PDGFC: variants seen among roughly 807,000 people sequenced by gnomAD.
PDGFC encodes the protein platelet-derived growth factor C.
PDGFC carries 12 observed loss-of-function variants against 35.5 expected under a neutral mutation model. The ratio of observed to expected loss-of-function variants is 0.34; its 90% confidence interval spans 0.22 to 0.55. PDGFC has a LOEUF of 0.55. PDGFC is among the 20% of genes least tolerant of loss of function. The pLI, the probability that PDGFC is intolerant of heterozygous loss-of-function variation, is 0.91. For missense variants in PDGFC, 322 were observed against 412.4 expected (o/e 0.78, Z 1.90); for synonymous variants, 159 against 148.8 (o/e 1.07, Z -0.50).
At chr4:156,826,319 A>T (rs995341850) in intron 2 of PDGFC, among the ~76,000 whole-genome samples, 1 of 133,520 alleles carries the variant, frequency 7.5e-6, no homozygotes, top group Non-Finnish European at 1.5e-5. Context: ...CAGCCTCCTG[A>T]GTAGCTGTGA....
intron 1 of PDGFC, among the ~76,000 whole-genome samples, chr4:156,877,472 CTA>C (rs966303775): frequency 1.3e-5 from 2 of 151,920 alleles, no homozygotes; most frequent in African/African-American, 4.8e-5. Flanking sequence ...TAAGTAATGA[CTA>C]TGTAAGTTAT....
chr4:156,953,625 T>C (rs1265332978), intron 1 of PDGFC, among the ~76,000 whole-genome samples: 5 of 152,004 alleles, frequency 3.3e-5, no homozygotes, highest in Non-Finnish European at 7.4e-5. Flanking sequence ...GGACGATAAA[T>C]ACTTTAGAAT....
rs575636563 is a variant in PDGFC at position 156,820,358 on chromosome 4, T to G, written c.315-9341A>C. Among the ~76,000 whole-genome samples the G allele has an allele frequency of 3.9e-5, 6 of 152,306 alleles. No individual in the cohort carries two copies. The South Asian group carries it at 1.2e-3, about 32-fold the overall frequency. Reference sequence around the variant, plus strand: ...TAAGAATCAATCAACATGTCAAAGTTCATTGTTGTCTTATTTTAATAAACT... The same window carrying G: ...TAAGAATCAATCAACATGTCAAAGTGCATTGTTGTCTTATTTTAATAAACT... On this transcript the variant is annotated intron_variant, in intron 2 of 5. Coordinates refer to ENST00000502773, the MANE Select transcript of PDGFC (RefSeq NM_016205.3).
At chr4:156,909,476 G>C (rs894801999) in intron 1 of PDGFC, among the ~76,000 whole-genome samples, 3 of 152,162 alleles carry the variant, frequency 2.0e-5, no homozygotes, top group African/African-American at 7.2e-5. Context: ...ACATTTGGGA[G>C]AGTGTAATTT....
chr4:156,923,219 T>C (rs1392314117), intron 1 of PDGFC, among the ~76,000 whole-genome samples: 4 of 152,238 alleles, frequency 2.6e-5, no homozygotes, highest in East Asian at 1.9e-4. Flanking sequence ...CCAGGCCTTC[T>C]TGCTGCTCCT....
chr4:156,817,493 T>C (rs954833576), intron 2 of PDGFC, among the ~76,000 whole-genome samples: 4 of 152,148 alleles, frequency 2.6e-5, no homozygotes, highest in Non-Finnish European at 5.9e-5. Flanking sequence ...AAAGTATCAA[T>C]ATTTACTGGA....
intron 1 of PDGFC, among the ~76,000 whole-genome samples, chr4:156,924,482 C>A (rs1460388676): frequency 6.6e-6 from 1 of 152,070 alleles, no homozygotes; most frequent in Non-Finnish European, 1.5e-5. Flanking sequence ...AAGAGCCATG[C>A]AGAGAATTAA....
chr4:156,906,634 C>A (rs1730921623), intron 1 of PDGFC, among the ~76,000 whole-genome samples: 2 of 152,064 alleles, frequency 1.3e-5, no homozygotes, highest in Admixed American at 6.6e-5. Context: ...AAATCTTGAG[C>A]ACGGACAAAG....
At chr4:156,765,767 G>A (rs922067807) in intron 5 of PDGFC, among the ~76,000 whole-genome samples, 1 of 151,998 alleles carries the variant, frequency 6.6e-6, no homozygotes, top group Admixed American at 6.6e-5. Context: ...CCTGCTTCAG[G>A]GCAAAATTCA....
At chr4:156,859,917 C>T (rs938907956) in intron 1 of PDGFC, among the ~76,000 whole-genome samples, 1 of 151,970 alleles carries the variant, frequency 6.6e-6, no homozygotes, top group African/African-American at 2.4e-5. Context: ...AAAGCTTAAA[C>T]ATGAAGATTT....
intron 1 of PDGFC, among the ~76,000 whole-genome samples, chr4:156,907,996 G>A (rs184446555): frequency 8.5e-5 from 13 of 152,136 alleles, no homozygotes; most frequent in African/African-American, 2.9e-4. Flanking sequence ...GTGAAACCCC[G>A]TCTCTACTAA....
Position 156,834,272 on chromosome 4 carries a change from C to A in PDGFC, c.314+15949G>T, listed in dbSNP as rs184825508. ...GCATGATATCAAACTATTATAATCA[C>A]TTTTTTGGATGTTCTTAATCCAGAT... On this transcript the variant is annotated intron_variant, in intron 2 of 5. Transcript: ENST00000502773. Among the ~76,000 whole-genome samples the A allele has an allele frequency of 8.5e-5, 13 of 152,172 alleles. No individual in the cohort carries two copies. In the East Asian group the frequency reaches 2.5e-3, roughly 29 times the overall value.
chr4:156,916,625 G>A (rs1731161559), intron 1 of PDGFC, among the ~76,000 whole-genome samples: 1 of 152,090 alleles, frequency 6.6e-6, no homozygotes, highest in South Asian at 2.1e-4. Context: ...CTGTTGTCTC[G>A]CTGTCTGAAA....
chr4:156,950,193 G>T (rs1660898613), intron 1 of PDGFC, among the ~76,000 whole-genome samples: 1 of 151,852 alleles, frequency 6.6e-6, no homozygotes, highest in South Asian at 2.1e-4. Context: ...CTGCCGAAAA[G>T]TAGTACATAA....
At position 156,762,685 on chromosome 4, in the gene PDGFC, G is replaced by A. The variant is rs1318128907; in HGVS notation, c.*405C>T. The A allele has an allele frequency of 6.5e-6, 1 of 153,750 alleles. No homozygotes were observed. The highest frequency in any genetic ancestry group is 1.4e-5 in the Non-Finnish European group (1 of 69,930). 9.5% of individuals were successfully genotyped at this position (153,750 alleles called of 1,614,324 possible). A position where few individuals can be genotyped will look rare whatever the true frequency, so the allele number is the denominator to read the frequency against. On this transcript the variant is annotated 3_prime_UTR_variant, in exon 6 of 6. Coordinates refer to ENST00000502773, the MANE Select transcript of PDGFC (RefSeq NM_016205.3). ...TTTAGGCCCAGGACATGGAGCTTTAGAGTTAAGCAAGGCAACGGAATCAGG... is the reference window on the plus strand; with the variant it reads ...TTTAGGCCCAGGACATGGAGCTTTAAAGTTAAGCAAGGCAACGGAATCAGG...
chr4:156,944,578 T>C (rs1406658241), intron 1 of PDGFC, among the ~76,000 whole-genome samples: 2 of 152,102 alleles, frequency 1.3e-5, no homozygotes, highest in African/African-American at 4.8e-5. Context: ...ACAAGTAGCT[T>C]GAAGATTTTC....
At chr4:156,957,740 T>A (rs1732245975) in intron 1 of PDGFC, among the ~76,000 whole-genome samples, 1 of 151,950 alleles carries the variant, frequency 6.6e-6, no homozygotes, top group Admixed American at 6.6e-5. Context: ...GCATGAAGAA[T>A]CACTCTTCTA....
chr4:156,923,575 A>G (rs182660193), intron 1 of PDGFC, among the ~76,000 whole-genome samples: 17 of 152,370 alleles, frequency 1.1e-4, no homozygotes, highest in African/African-American at 4.1e-4. Context: ...AGCCATTTTC[A>G]TCAAGCCATC....
chr4:156,912,561 T>A (rs961208464), intron 1 of PDGFC, among the ~76,000 whole-genome samples: 4 of 152,086 alleles, frequency 2.6e-5, no homozygotes, highest in Non-Finnish European at 4.4e-5. Context: ...TGGAGAAATG[T>A]ATGTGGAGGG....
Sources: gnomAD v4.1 joint callset for allele counts (sites outside exome capture counted in the v4.1 genomes callset) on GRCh38, gnomAD v4.1.1 for gene constraint, MANE v1.5 for transcripts, NCBI Gene and HGNC (gene_info 2026-07-23, HGNC 2026-07-21) for gene names.